Variants in CCDC68 observed in about 807,000 individuals in gnomAD.
CCDC68 encodes the protein coiled-coil domain containing 68, also known as coiled-coil domain-containing protein 68.
Under a neutral mutation model 47.1 loss-of-function variants are expected in CCDC68, and 45 were observed. That is an observed-to-expected ratio of 0.96 (90% CI 0.75 to 1.23). The LOEUF is 1.23. Among genes scored for constraint, CCDC68 ranks in the 50% most tolerant of loss-of-function variants. CCDC68 has a pLI of 0.00. For missense variants in CCDC68, 353 were observed against 373.6 expected, an observed-to-expected ratio of 0.94 and a Z score of 0.45; for synonymous variants, 131 against 129.5, an observed-to-expected ratio of 1.01 and a Z score of -0.08.
chr18:54,958,304 G>A (rs1005223528), intron 1 of CCDC68, among the ~76,000 whole-genome samples: 7 of 152,112 alleles, frequency 4.6e-5, no homozygotes, highest in Admixed American at 2.0e-4. Context: ...AGTGGGCAGC[G>A]GGGGAAAAGC....
At chr18:54,924,887 TC>T (rs1301389695) in intron 8 of CCDC68, among the ~76,000 whole-genome samples, 1 of 152,134 alleles carries the variant, frequency 6.6e-6, no homozygotes, top group Admixed American at 6.5e-5. Context: ...TGCCCTCTGT[TC>T]CCCCCTGTTC....
At chr18:54,957,393 C>T (rs1000941287) in intron 1 of CCDC68, among the ~76,000 whole-genome samples, 2 of 152,142 alleles carry the variant, frequency 1.3e-5, no homozygotes, top group East Asian at 3.8e-4. Context: ...AAATCTATGG[C>T]CTTGACTTGG....
intron 1 of CCDC68, chr18:54,954,778 T>G (rs2044683728): frequency 6.6e-6 from 1 of 152,158 alleles, no homozygotes; most frequent in Non-Finnish European, 1.5e-5. Flanking sequence ...TTAAAAATCC[T>G]TACCAAGGAA....
At chr18:54,930,695 C>CCTCTCT (rs773697746) in intron 7 of CCDC68, among the ~76,000 whole-genome samples, 4 of 73,894 alleles carry the variant, frequency 5.4e-5, no homozygotes, top group African/African-American at 2.3e-4. Flanking sequence ...TCCCTCCCTC[C>CCTCTCT]CTCTCTCTCT....
In CCDC68 at chr18:54,907,775, A is replaced by C; in HGVS notation, c.950+11T>G. ...TTGTGAAGACAGGGTGGAAGAGGACAGAGACCTTACCTTGTAGAGACAGCC... is the reference window on the plus strand; with the variant it reads ...TTGTGAAGACAGGGTGGAAGAGGACCGAGACCTTACCTTGTAGAGACAGCC... On this transcript the variant is annotated intron_variant, in intron 11 of 11. Transcript: ENST00000591504. 1 of 1,502,966 alleles carries C rather than the reference A, an allele frequency of 6.7e-7. No homozygotes were observed. The highest frequency in any genetic ancestry group is 1.1e-5 in the South Asian group (1 of 88,724). The allele number at this position is 1,502,966 out of a possible 1,614,324, so 93.1% of individuals were successfully genotyped here. A position where few individuals can be genotyped will look rare whatever the true frequency, so the allele number is the denominator to read the frequency against.
In CCDC68 at chr18:54,936,879, GAT is replaced by G. The variant is rs752834350; in HGVS notation, c.423_424del (p.Gln141HisfsTer2). 4 of 1,614,100 alleles carry G rather than the reference GAT, an allele frequency of 2.5e-6. No individual in the cohort carries two copies. Among genetic ancestry groups the G allele is most frequent in the Non-Finnish European group, 3.4e-6 (4 of 1,179,974 alleles). ...CTCCTGCTTCTTTCTCACTTCTTCAGATTGCGTTTGGTAGTTTTCAAATAATC... is the reference window on the plus strand; with the variant it reads ...CTCCTGCTTCTTTCTCACTTCTTCAGTGCGTTTGGTAGTTTTCAAATAATC... On this transcript the variant is annotated frameshift_variant, in exon 6 of 12. Transcript: ENST00000591504. LOFTEE classifies it high-confidence loss of function.
At chr18:54,913,822 A>G (rs2043896612) in intron 10 of CCDC68, among the ~76,000 whole-genome samples, 1 of 152,144 alleles carries the variant, frequency 6.6e-6, no homozygotes, top group Non-Finnish European at 1.5e-5. Flanking sequence ...CTAAAAAACA[A>G]ATAACAAAAT....
intron 2 of CCDC68, 35 bp from the exon 3 acceptor site, chr18:54,942,838 A>T (rs202242574): frequency 2.6e-6 from 3 of 1,144,140 alleles, no homozygotes; most frequent in Non-Finnish European, 2.6e-6. Context: ...AGCAAAACAG[A>T]CTGTTTTGAT....
intron 8 of CCDC68, among the ~76,000 whole-genome samples, chr18:54,921,852 T>G (rs989030594): frequency 3.3e-5 from 5 of 152,180 alleles, no homozygotes; most frequent in Admixed American, 6.5e-5. Flanking sequence ...GTGCCAATAT[T>G]TTATCTGCTT....
chr18:54,940,585 G>A (rs1475713914), intron 4 of CCDC68, among the ~76,000 whole-genome samples: 2 of 152,284 alleles, frequency 1.3e-5, no homozygotes, highest in African/African-American at 4.8e-5. Flanking sequence ...TACAGCTGAT[G>A]TTGGGGAAGG....
At chr18:54,926,067 G>A (rs11664828) in intron 8 of CCDC68, among the ~76,000 whole-genome samples, 1 of 152,070 alleles carries the variant, frequency 6.6e-6, no homozygotes, top group Admixed American at 6.6e-5. Flanking sequence ...CATATGCTTT[G>A]ACATGCAACC....
In CCDC68 at chr18:54,941,094, A is replaced by G. The variant is rs774267586; in HGVS notation, c.118-11T>C. 54 of 1,598,358 alleles carry G rather than the reference A, an allele frequency of 3.4e-5. No homozygotes were observed. In the South Asian group the frequency reaches 3.8e-4, roughly 11 times the overall value. On this transcript the variant is annotated splice_polypyrimidine_tract_variant and intron_variant, in intron 3 of 11. Coordinates refer to ENST00000591504, the MANE Select transcript of CCDC68 (RefSeq NM_025214.3). Reference sequence around the variant, plus strand: ...CAGAGTAGTTCGAATCTAGAGAAGGAAAACAAAACCATTTGTTTCAAAGGC... The same window carrying G: ...CAGAGTAGTTCGAATCTAGAGAAGGGAAACAAAACCATTTGTTTCAAAGGC...
intron 7 of CCDC68, among the ~76,000 whole-genome samples, chr18:54,930,624 C>CCCTCCCCCTCCCTCCCTCCCTCCCTCCCT (rs1599059169): frequency 1.1e-4 from 3 of 28,516 alleles, no homozygotes; most frequent in Admixed American, 3.4e-4. Context: ...CCCTTCCCTT[C>CCCTCCCCCTCCCTCCCTCCCTCCCTCCCT]CCCTCCCTCC....
At chr18:54,912,179 G>T (rs1325117503) in intron 10 of CCDC68, among the ~76,000 whole-genome samples, 1 of 152,190 alleles carries the variant, frequency 6.6e-6, no homozygotes, top group Non-Finnish European at 1.5e-5. Context: ...TTAGAAAATG[G>T]AGTAATTTCT....
At chr18:54,934,530 C>T (rs746574302) in intron 7 of CCDC68, among the ~76,000 whole-genome samples, 2 of 152,164 alleles carry the variant, frequency 1.3e-5, no homozygotes, top group Admixed American at 6.5e-5. Context: ...TTCACAGCCT[C>T]ACCTGGTTCC....
At chr18:54,931,527 A>T (rs896668794) in intron 7 of CCDC68, among the ~76,000 whole-genome samples, 1 of 152,178 alleles carries the variant, frequency 6.6e-6, no homozygotes. Context: ...AAGGGTTGTG[A>T]TCTAGAAAGT....
chr18:54,937,676 T>C, intron 5 of CCDC68: 1 of 276,118 alleles, frequency 3.6e-6, no homozygotes. Flanking sequence ...GACACAATGT[T>C]ATGCAGTAGA....
At chr18:54,943,725 T>C (rs2044474940) in intron 2 of CCDC68, among the ~76,000 whole-genome samples, 1 of 152,256 alleles carries the variant, frequency 6.6e-6, no homozygotes, top group African/African-American at 2.4e-5. Context: ...CATTTTGAAC[T>C]GTGAACTGTG....
In CCDC68 at chr18:54,942,633, T is replaced by TA. The variant is rs767969834; in HGVS notation, c.117+41dup. ...TCCAGCCCATATTGGAATTTCTCTT[T>TA]AAAAAATCATATCATACTAATGATT... On this transcript the variant is annotated intron_variant, in intron 3 of 11. Coordinates refer to ENST00000591504, the MANE Select transcript of CCDC68 (RefSeq NM_025214.3). 8.1e-6 allele frequency: 10 copies of TA among 1,235,330 alleles called. No individual in the cohort carries two copies. In the Admixed American group the frequency reaches 1.6e-4, roughly 20 times the overall value. The allele number at this position is 1,235,330 out of a possible 1,614,324, so 76.5% of individuals were successfully genotyped here.
Sources: gnomAD v4.1 joint callset for allele counts (sites outside exome capture counted in the v4.1 genomes callset) on GRCh38, gnomAD v4.1.1 for gene constraint, MANE v1.5 for transcripts, NCBI Gene and HGNC (gene_info 2026-07-23, HGNC 2026-07-21) for gene names.